PMS1: variants seen among roughly 807,000 people sequenced by gnomAD.
The protein encoded by PMS1 is PMS1 homolog 1, mismatch repair system component, also known as PMS1 protein homolog 1.
PMS1 carries 79 observed loss-of-function variants against 93.1 expected under a neutral mutation model. That is an observed-to-expected ratio of 0.85 (90% CI 0.71 to 1.02). The LOEUF (loss-of-function observed/expected upper bound fraction) is 1.02, where lower values mean the gene tolerates loss of function less well. Among genes scored for constraint, PMS1 ranks in the 50% least tolerant of loss-of-function variants. The probability of loss-of-function intolerance (pLI) is 0.00; values close to 1 mark genes in which losing one functional copy is unlikely to be tolerated. For missense variants in PMS1, 1,064 were observed against 1,085.3 expected (o/e 0.98, Z 0.28); for synonymous variants, 335 against 363.4 (o/e 0.92, Z 0.89).
chr2:189,785,481 A>G (rs2048219391), intron 1 of PMS1: 2 of 152,196 alleles, frequency 1.3e-5, no homozygotes, highest in Admixed American at 6.5e-5. Flanking sequence ...TGTAAGCCCG[A>G]TATAAACCCT....
chr2:189,822,955 A>T (rs1394653062), intron 5 of PMS1, among the ~76,000 whole-genome samples: 1 of 152,226 alleles, frequency 6.6e-6, no homozygotes, highest in African/African-American at 2.4e-5. Context: ...TAGTAGACTG[A>T]GAAAACATTG....
At chr2:189,875,664 C>A (rs2106554909) in intron 12 of PMS1, among the ~76,000 whole-genome samples, 1 of 152,030 alleles carries the variant, frequency 6.6e-6, no homozygotes, top group African/African-American at 2.4e-5. Flanking sequence ...TAAAAAATTG[C>A]AGAGGAGGCC....
intron 5 of PMS1, among the ~76,000 whole-genome samples, chr2:189,836,764 A>C (rs1461373222): frequency 6.6e-6 from 1 of 152,238 alleles, no homozygotes; most frequent in African/African-American, 2.4e-5. Flanking sequence ...AAAATTGCCT[A>C]GTGTGAAATA....
intron 5 of PMS1, among the ~76,000 whole-genome samples, chr2:189,841,688 C>T (rs896134127): frequency 5.3e-5 from 8 of 151,836 alleles, no homozygotes; most frequent in Non-Finnish European, 1.0e-4. Flanking sequence ...GTCCAGTCTC[C>T]TCTCTCTTTC....
chr2:189,875,589 G>C (rs256553), intron 12 of PMS1, among the ~76,000 whole-genome samples: 12,703 of 152,030 alleles, frequency 0.084, 928 homozygotes, highest in African/African-American at 0.2. Context: ...GTATGATAGT[G>C]AATAGTGAAA....
At chr2:189,867,256 G>A (rs1299598904) in intron 10 of PMS1, among the ~76,000 whole-genome samples, 1 of 152,074 alleles carries the variant, frequency 6.6e-6, no homozygotes, top group Non-Finnish European at 1.5e-5. Context: ...GTGATCTTTG[G>A]CTTCCTCAAG....
intron 6 of PMS1, 107 bp from the exon 7 acceptor site, chr2:189,852,548 A>C: frequency 4.2e-6 from 4 of 950,304 alleles, no homozygotes. Context: ...TTAGACCTTA[A>C]GATGAAAATC....
chr2:189,828,048 C>G (rs543848627), intron 5 of PMS1, among the ~76,000 whole-genome samples: 1 of 152,072 alleles, frequency 6.6e-6, no homozygotes, highest in East Asian at 1.9e-4. Flanking sequence ...CTCAGCCTCC[C>G]GAATAGCTGG....
intron 3 of PMS1, among the ~76,000 whole-genome samples, chr2:189,804,933 GTACTTTCA>G (rs2050205729): frequency 6.6e-6 from 1 of 150,678 alleles, no homozygotes; most frequent in African/African-American, 2.4e-5. Flanking sequence ...TTTTACTATT[GTACTTTCA>G]TACCTACCTC....
intron 1 of PMS1, among the ~76,000 whole-genome samples, chr2:189,785,980 C>A (rs1198229393): frequency 1.3e-5 from 2 of 152,218 alleles, no homozygotes; most frequent in Admixed American, 1.3e-4. Context: ...CGAAAATTAG[C>A]CGGGCGTGGT....
intron 3 of PMS1, among the ~76,000 whole-genome samples, chr2:189,803,966 C>T (rs1207139817): frequency 1.3e-5 from 2 of 152,118 alleles, no homozygotes; most frequent in Non-Finnish European, 2.9e-5. Flanking sequence ...GTTTCTTCGT[C>T]TAGACTGGAG....
intron 9 of PMS1, chr2:189,855,946 T>A: frequency 1.5e-6 from 1 of 670,292 alleles, no homozygotes; most frequent in Non-Finnish European, 2.0e-6. Flanking sequence ...TTATGTCAAA[T>A]GTGTGGAAAA....
chr2:189,868,075 C>A, intron 11 of PMS1, 146 bp downstream of exon 11: 1 of 707,980 alleles, frequency 1.4e-6, no homozygotes, highest in Non-Finnish European at 2.5e-6. Context: ...ACATTTTTTT[C>A]AAAACATCAC....
chr2:189,796,512 C>T (rs1304962372), intron 3 of PMS1, among the ~76,000 whole-genome samples: 1 of 152,128 alleles, frequency 6.6e-6, no homozygotes, highest in African/African-American at 2.4e-5. Flanking sequence ...AAACTCTGTA[C>T]CCATTAAACA....
intron 11 of PMS1, 88 bp downstream of exon 11, chr2:189,868,017 G>C: frequency 1.7e-6 from 2 of 1,144,562 alleles, no homozygotes. Flanking sequence ...TTACAGATAT[G>C]GTGGTATATT....
intron 5 of PMS1, among the ~76,000 whole-genome samples, chr2:189,827,170 A>C (rs996410083): frequency 1.9e-4 from 29 of 152,172 alleles, no homozygotes; most frequent in Non-Finnish European, 1.2e-4. Context: ...TTTTGTTGCT[A>C]TTAACAGTCA....
intron 10 of PMS1, among the ~76,000 whole-genome samples, chr2:189,864,837 T>G (rs2106518444): frequency 6.7e-6 from 1 of 148,598 alleles, no homozygotes; most frequent in South Asian, 2.2e-4. Flanking sequence ...TCTGGTACAT[T>G]AGTGACTTCT....
At chr2:189,791,968 C>T in intron 2 of PMS1, 27 bp downstream of exon 2, 1 of 1,607,928 alleles carries the variant, frequency 6.2e-7, no homozygotes, top group African/African-American at 1.3e-5. Flanking sequence ...ACCCAAATAC[C>T]TTTAAGACAA....
chr2:189,818,435 T>A (rs1002042493), intron 5 of PMS1, among the ~76,000 whole-genome samples: 1 of 152,132 alleles, frequency 6.6e-6, no homozygotes, highest in African/African-American at 2.4e-5. Context: ...CACTACATAG[T>A]CAGAGGCACC....
Sources: allele counts gnomAD v4.1 joint callset (sites outside exome capture counted in the v4.1 genomes callset), GRCh38; gene constraint gnomAD v4.1.1; transcripts MANE v1.5; gene names NCBI Gene and HGNC (gene_info 2026-07-23, HGNC 2026-07-21).